Variants in PCDH9 observed in about 807,000 individuals in gnomAD.
PCDH9 encodes protocadherin 9.
PCDH9 carries 24 observed loss-of-function variants against 70.6 expected under a neutral mutation model. That is an observed-to-expected ratio of 0.34 (90% confidence interval 0.25 to 0.48). PCDH9 has a LOEUF of 0.48. Ranked by LOEUF, PCDH9 falls within the 20% of genes least tolerant of loss-of-function variation. The probability of loss-of-function intolerance (pLI) is 0.99; values close to 1 mark genes in which losing one functional copy is unlikely to be tolerated. For synonymous variants in PCDH9, 562 were observed against 558.5 expected (o/e 1.01, Z -0.09); for missense variants, 1,281 against 1,503.6 (o/e 0.85, Z 2.45).
intron 3 of PCDH9, among the ~76,000 whole-genome samples, chr13:66,753,576 A>C (rs373586771): frequency 6.6e-6 from 1 of 152,216 alleles, no homozygotes; most frequent in South Asian, 2.1e-4. Flanking sequence ...TAATGAGGTA[A>C]TGTCATTCAA....
At chr13:66,912,032 T>C (rs1054399469) in intron 2 of PCDH9, among the ~76,000 whole-genome samples, 2 of 152,202 alleles carry the variant, frequency 1.3e-5, no homozygotes, top group African/African-American at 4.8e-5. Context: ...ATCATTTAAC[T>C]GTATTTGTAC....
chr13:66,987,359 C>A (rs369892745), intron 2 of PCDH9, among the ~76,000 whole-genome samples: 2 of 151,900 alleles, frequency 1.3e-5, no homozygotes, highest in South Asian at 4.1e-4. Context: ...CTCAGAGGAC[C>A]CTGGTGTGAT....
chr13:66,472,074 T>G (rs1053493223), intron 4 of PCDH9, among the ~76,000 whole-genome samples: 1 of 151,622 alleles, frequency 6.6e-6, no homozygotes, highest in Non-Finnish European at 1.5e-5. Flanking sequence ...TAGCTGGGCG[T>G]GGTGGTGGGC....
At chr13:67,146,298 C>G (rs1486622137) in intron 2 of PCDH9, among the ~76,000 whole-genome samples, 2 of 152,046 alleles carry the variant, frequency 1.3e-5, no homozygotes, top group Middle Eastern at 6.3e-3. Context: ...AATTAAGATA[C>G]TTATAATATC....
At chr13:66,596,433 C>A (rs1240737883) in intron 4 of PCDH9, among the ~76,000 whole-genome samples, 1 of 151,648 alleles carries the variant, frequency 6.6e-6, no homozygotes, top group Non-Finnish European at 1.5e-5. Context: ...CATATAAATG[C>A]ATATTCACAC....
intron 2 of PCDH9, among the ~76,000 whole-genome samples, chr13:66,988,156 A>T (rs2083931535): frequency 6.6e-6 from 1 of 151,928 alleles, no homozygotes; most frequent in Admixed American, 6.6e-5. Flanking sequence ...GCACCTTGGG[A>T]ACTTTTATTT....
intron 2 of PCDH9, among the ~76,000 whole-genome samples, chr13:67,020,566 G>T (rs2084655711): frequency 6.6e-6 from 1 of 151,996 alleles, no homozygotes; most frequent in African/African-American, 2.4e-5. Flanking sequence ...AAAAAATCAA[G>T]AAATGACTAT....
chr13:66,589,621 T>G (rs2077012964), intron 4 of PCDH9, among the ~76,000 whole-genome samples: 1 of 152,080 alleles, frequency 6.6e-6, no homozygotes, highest in African/African-American at 2.4e-5. Flanking sequence ...ATTGATTCCC[T>G]CAAGGCTCCT....
chr13:66,682,001 T>C (rs1365233910), intron 3 of PCDH9, among the ~76,000 whole-genome samples: 1 of 147,844 alleles, frequency 6.8e-6, no homozygotes. Flanking sequence ...TTGTTTGTTT[T>C]GGTTTTAGTT....
intron 3 of PCDH9, among the ~76,000 whole-genome samples, chr13:66,792,727 T>C (rs79784758): frequency 0.028 from 4,271 of 152,220 alleles, 179 homozygotes; most frequent in African/African-American, 0.095. Flanking sequence ...GGTAATTTGT[T>C]ATATTACTAC....
intron 4 of PCDH9, among the ~76,000 whole-genome samples, chr13:66,467,311 A>C (rs893605321): frequency 1.3e-5 from 2 of 152,066 alleles, no homozygotes; most frequent in African/African-American, 4.8e-5. Context: ...CCTCAGTCTT[A>C]CTGGTCCTCT....
chr13:66,789,319 G>C (rs543704782), intron 3 of PCDH9, among the ~76,000 whole-genome samples: 1 of 152,182 alleles, frequency 6.6e-6, no homozygotes, highest in Admixed American at 6.6e-5. Flanking sequence ...CTCCCCCGTG[G>C]CTAATAGTTT....
intron 2 of PCDH9, among the ~76,000 whole-genome samples, chr13:67,097,933 A>G (rs2086356795): frequency 6.6e-6 from 1 of 152,306 alleles, no homozygotes; most frequent in Admixed American, 6.5e-5. Context: ...AGCTATCCAC[A>G]CTCATAAATA....
chr13:66,776,027 C>T (rs2139285547), intron 3 of PCDH9, among the ~76,000 whole-genome samples: 1 of 152,302 alleles, frequency 6.6e-6, no homozygotes, highest in South Asian at 2.1e-4. Context: ...ATTTGACACA[C>T]TGCTGTTGTT....
chr13:67,062,047 T>C (rs2085549267), intron 2 of PCDH9, among the ~76,000 whole-genome samples: 1 of 152,138 alleles, frequency 6.6e-6, no homozygotes, highest in African/African-American at 2.4e-5. Flanking sequence ...CTCTAGCAGT[T>C]TCAGCTGGTG....
At chr13:66,567,098 T>C (rs569248247) in intron 4 of PCDH9, among the ~76,000 whole-genome samples, 5 of 152,256 alleles carry the variant, frequency 3.3e-5, no homozygotes, top group Admixed American at 2.6e-4. Flanking sequence ...ATTAGAACTT[T>C]AGCCAGTCCT....
chr13:66,935,721 A>T (rs1372429311), intron 2 of PCDH9, among the ~76,000 whole-genome samples: 1 of 152,200 alleles, frequency 6.6e-6, no homozygotes, highest in African/African-American at 2.4e-5. Flanking sequence ...ATGTTAAATT[A>T]TCATTAAATA....
chr13:67,177,342 G>T (rs999244985), intron 2 of PCDH9, among the ~76,000 whole-genome samples: 2 of 151,764 alleles, frequency 1.3e-5, no homozygotes. Flanking sequence ...AAAACTCTTT[G>T]TTCCTTCTCC....
intron 4 of PCDH9, among the ~76,000 whole-genome samples, chr13:66,308,354 C>G (rs898188754): frequency 1.3e-5 from 2 of 151,896 alleles, no homozygotes; most frequent in Non-Finnish European, 2.9e-5. Context: ...ATTGTACTTC[C>G]CATGATTCAT....
Sources: gnomAD v4.1 joint callset for allele counts (sites outside exome capture counted in the v4.1 genomes callset) on GRCh38, gnomAD v4.1.1 for gene constraint, MANE v1.5 for transcripts, NCBI Gene and HGNC (gene_info 2026-07-23, HGNC 2026-07-21) for gene names.